The following PI4KA variants were observed in gnomAD, a reference collection of about 807,000 sequenced individuals.
PI4KA encodes phosphatidylinositol 4-kinase alpha.
Under a neutral mutation model 271.4 loss-of-function variants are expected in PI4KA, and 122 were observed. The observed-to-expected ratio is 0.45, with a 90% confidence interval of 0.39 to 0.52. PI4KA has a LOEUF of 0.52. Ranked by LOEUF, PI4KA falls within the 20% of genes least tolerant of loss-of-function variation. PI4KA has a pLI of 0.00. For synonymous variants in PI4KA, 1,041 were observed against 1,078.8 expected (o/e 0.96, Z 0.69); for missense variants, 1,969 against 2,769.1 (o/e 0.71, Z 6.48).
At chr22:20,836,118 C>CA (rs1191400739) in intron 2 of PI4KA, among the ~76,000 whole-genome samples, 1 of 151,706 alleles carries the variant, frequency 6.6e-6, no homozygotes, top group Non-Finnish European at 1.5e-5. Context: ...AGAAGGCATG[C>CA]AGCTTCCACC....
intron 36 of PI4KA, among the ~76,000 whole-genome samples, chr22:20,730,854 G>A (rs1927951298): frequency 6.6e-6 from 1 of 152,000 alleles, no homozygotes; most frequent in Non-Finnish European, 1.5e-5. Flanking sequence ...ACAGGCGTGA[G>A]TCACTACACC....
At chr22:20,830,442 T>C (rs914608532) in intron 3 of PI4KA, among the ~76,000 whole-genome samples, 1 of 152,250 alleles carries the variant, frequency 6.6e-6, no homozygotes, top group Non-Finnish European at 1.5e-5. Context: ...GAAGTCTATT[T>C]TGTCTGAAAT....
At chr22:20,833,263 G>C (rs1349164598) in intron 3 of PI4KA, among the ~76,000 whole-genome samples, 1 of 152,192 alleles carries the variant, frequency 6.6e-6, no homozygotes, top group East Asian at 1.9e-4. Context: ...TGCAGCACTG[G>C]AGGGGTTGAG....
At chr22:20,724,052 A>G (rs909808401) in intron 42 of PI4KA, among the ~76,000 whole-genome samples, 1 of 151,656 alleles carries the variant, frequency 6.6e-6, no homozygotes, top group Non-Finnish European at 1.5e-5. Context: ...GTTAGCCAGT[A>G]TGGTCTCGAT....
At chr22:20,813,188 T>C (rs1243018217) in intron 8 of PI4KA, among the ~76,000 whole-genome samples, 170 bp downstream of exon 8, 10 of 152,184 alleles carry the variant, frequency 6.6e-5, no homozygotes, top group East Asian at 1.9e-4. Flanking sequence ...CAGTATACAA[T>C]GATTCCATGA....
intron 32 of PI4KA, among the ~76,000 whole-genome samples, chr22:20,742,020 C>T (rs1211193274): frequency 6.6e-6 from 1 of 152,222 alleles, no homozygotes; most frequent in African/African-American, 2.4e-5. Flanking sequence ...GAGATAACGG[C>T]TTCTAGGCAC....
At chr22:20,805,334 A>G (rs1935589419) in intron 10 of PI4KA, among the ~76,000 whole-genome samples, 169 bp from the exon 11 acceptor site, 1 of 151,282 alleles carries the variant, frequency 6.6e-6, no homozygotes, top group Non-Finnish European at 1.5e-5. Context: ...TTGGATAGGA[A>G]TTGCACAGCT....
intron 3 of PI4KA, among the ~76,000 whole-genome samples, chr22:20,829,538 T>C (rs1314967513): frequency 6.6e-6 from 1 of 152,030 alleles, no homozygotes; most frequent in Non-Finnish European, 1.5e-5. Context: ...GTTGTGTCTA[T>C]TTGGACCTTT....
At chr22:20,822,955 C>T (rs1922903529) in intron 4 of PI4KA, among the ~76,000 whole-genome samples, 1 of 152,180 alleles carries the variant, frequency 6.6e-6, no homozygotes, top group Non-Finnish European at 1.5e-5. Flanking sequence ...ACTCTGTTAT[C>T]CAGGCTGGAG....
chr22:20,793,789 G>A (rs548769189), intron 18 of PI4KA, among the ~76,000 whole-genome samples: 2 of 152,332 alleles, frequency 1.3e-5, no homozygotes, highest in Non-Finnish European at 2.9e-5. Flanking sequence ...GGAAATTTGG[G>A]GGGTTACTTA....
At chr22:20,807,512 C>T (rs888117205) in intron 9 of PI4KA, 54 bp from the exon 10 acceptor site, 14 of 1,042,340 alleles carry the variant, frequency 1.3e-5, no homozygotes, top group Admixed American at 5.6e-5. Flanking sequence ...CTTCTGCCCA[C>T]CCTTTGCCTT....
rs768554325 is a variant in PI4KA at position 20,727,326 on chromosome 22, C to T, written c.4845G>A (p.Thr1615=). The change falls in exon 41 of 55, where the codon ACG becomes ACA. Residue 1615 remains threonine (T), a synonymous_variant. Coordinates refer to ENST00000255882, the MANE Select transcript of PI4KA (RefSeq NM_058004.4). ...ELSHVLCWAP[T]DPPTGLSYFS... is the part of the protein sequence containing the mutation. ...AGTAGGAGAGGCCTGTGGGTGGGTC[C>T]GTGGGCGCCCAGCACAGCACATGGC... 2.5e-5 allele frequency: 40 copies of T among 1,613,072 alleles called. No homozygotes were observed. The East Asian group carries it at 7.1e-4, about 29-fold the overall frequency.
intron 22 of PI4KA, among the ~76,000 whole-genome samples, chr22:20,763,852 G>A (rs541148828): frequency 4.6e-5 from 7 of 152,308 alleles, no homozygotes; most frequent in Admixed American, 1.3e-4. Flanking sequence ...GTGGAGCCCC[G>A]GGCTGAGGGC....
intron 3 of PI4KA, among the ~76,000 whole-genome samples, chr22:20,826,308 A>G (rs190754497): frequency 6.6e-6 from 1 of 152,150 alleles, no homozygotes; most frequent in Non-Finnish European, 1.5e-5. Flanking sequence ...GCACCACTGC[A>G]CTCCAAGCTG....
chr22:20,752,433 T>C (rs1242857992), intron 25 of PI4KA, among the ~76,000 whole-genome samples: 2 of 152,202 alleles, frequency 1.3e-5, no homozygotes, highest in Non-Finnish European at 2.9e-5. Flanking sequence ...GAGAAGCTGG[T>C]CCAGCCCACC....
intron 1 of PI4KA, among the ~76,000 whole-genome samples, chr22:20,855,074 C>T (rs12330019): frequency 0.03 from 4,486 of 151,396 alleles, 224 homozygotes; most frequent in African/African-American, 0.1. Flanking sequence ...ATCGCTTGAA[C>T]CCGGGAGGTG....
At chr22:20,851,865 T>C (rs1927025589) in intron 1 of PI4KA, among the ~76,000 whole-genome samples, 1 of 152,168 alleles carries the variant, frequency 6.6e-6, no homozygotes, top group Non-Finnish European at 1.5e-5. Flanking sequence ...AGGCCAAGCT[T>C]TTCTCCAGCA....
chr22:20,718,823 C>G lies in PI4KA; in HGVS notation c.5117-1G>C, dbSNP rs1410238805. 1.2e-6 allele frequency: 2 copies of G among 1,613,652 alleles called. No individual in the cohort carries two copies. Among genetic ancestry groups the G allele is most frequent in the African/African-American group, 2.7e-5 (2 of 74,904 alleles). ...TGATCCAGGAGGTCGCCGATGTCAG[C>G]TGCCAAGGAAGCAAAGAGGCTTAAG... On this transcript the variant is annotated splice_acceptor_variant, in intron 43 of 54. Coordinates refer to ENST00000255882, the MANE Select transcript of PI4KA (RefSeq NM_058004.4). LOFTEE classifies it high-confidence loss of function.
At chr22:20,813,850 G>A (rs1480777452) in intron 7 of PI4KA, among the ~76,000 whole-genome samples, 4 of 152,114 alleles carry the variant, frequency 2.6e-5, no homozygotes, top group African/African-American at 7.2e-5. Flanking sequence ...CCAGGCTGGA[G>A]TGCAGCAGTG....
Sources: allele counts gnomAD v4.1 joint callset (sites outside exome capture counted in the v4.1 genomes callset), GRCh38; gene constraint gnomAD v4.1.1; transcripts MANE v1.5; gene names NCBI Gene and HGNC (gene_info 2026-07-23, HGNC 2026-07-21).